LPP: variants seen among roughly 807,000 people sequenced by gnomAD.
LPP encodes the protein LIM domain containing preferred translocation partner in lipoma.
In LPP, 38 loss-of-function variants were observed where a neutral mutation model predicts 60.4. The observed-to-expected ratio is 0.63, with a 90% confidence interval of 0.49 to 0.83. The LOEUF is 0.83. Among genes scored for constraint, LPP ranks in the 40% least tolerant of loss-of-function variants. The probability of loss-of-function intolerance (pLI) is 0.00; values close to 1 mark genes in which losing one functional copy is unlikely to be tolerated. For missense variants in LPP, 902 were observed against 783.6 expected, an observed-to-expected ratio of 1.15 and a Z score of -1.80; for synonymous variants, 328 against 290.8, an observed-to-expected ratio of 1.13 and a Z score of -1.30.
At chr3:188,523,577 C>G (rs948057047) in intron 5 of LPP, among the ~76,000 whole-genome samples, 1 of 152,176 alleles carries the variant, frequency 6.6e-6, no homozygotes, top group Non-Finnish European at 1.5e-5. Flanking sequence ...TTAGTGCTAG[C>G]CTGTCATGGC....
intron 2 of LPP, among the ~76,000 whole-genome samples, chr3:188,297,191 C>CTTAGATAACTCAGCCTTG (rs1748209489): frequency 6.6e-6 from 1 of 152,194 alleles, no homozygotes; most frequent in South Asian, 2.1e-4. Flanking sequence ...GAAGGACACA[C>CTTAGATAACTCAGCCTTG]TTAGATAACT....
At chr3:188,365,244 CA>C (rs1770778039) in intron 3 of LPP, among the ~76,000 whole-genome samples, 1 of 151,850 alleles carries the variant, frequency 6.6e-6, no homozygotes, top group Admixed American at 6.6e-5. Flanking sequence ...TAGGTTTCAG[CA>C]AGAGAGTATT....
intron 8 of LPP, among the ~76,000 whole-genome samples, chr3:188,735,105 G>T (rs965800585): frequency 1.3e-5 from 2 of 152,036 alleles, no homozygotes; most frequent in Non-Finnish European, 2.9e-5. Flanking sequence ...TGATTCTTCT[G>T]GTTAAGCCGG....
At chr3:188,203,578 A>AAT (rs546311065) in intron 1 of LPP, among the ~76,000 whole-genome samples, 1,732 of 96,158 alleles carry the variant, frequency 0.018, 52 homozygotes, top group African/African-American at 0.031. Context: ...TATATATTTA[A>AAT]ATATATATAT....
intron 3 of LPP, among the ~76,000 whole-genome samples, chr3:188,377,726 C>T (rs1052856240): frequency 8.5e-5 from 13 of 152,204 alleles, no homozygotes; most frequent in Non-Finnish European, 8.8e-5. Flanking sequence ...ATTCTCCGTC[C>T]AGCTTTATTC....
intron 6 of LPP, among the ~76,000 whole-genome samples, chr3:188,602,025 G>A (rs192915742): frequency 6.7e-6 from 1 of 149,056 alleles, no homozygotes; most frequent in East Asian, 2.0e-4. Context: ...CTGAGATAGT[G>A]CCACTGCACT....
chr3:188,547,212 T>G (rs111877123), intron 6 of LPP, among the ~76,000 whole-genome samples: 3,958 of 152,298 alleles, frequency 0.026, 71 homozygotes, highest in Non-Finnish European at 0.04. Context: ...CACGTAGATA[T>G]GTTTCTGCAA....
chr3:188,776,519 C>G (rs1435239897), intron 9 of LPP, among the ~76,000 whole-genome samples: 1 of 152,102 alleles, frequency 6.6e-6, no homozygotes, highest in East Asian at 1.9e-4. Flanking sequence ...GGCTTTTTCA[C>G]AAAAGTATCA....
At chr3:188,326,470 A>C (rs1758454119) in intron 2 of LPP, among the ~76,000 whole-genome samples, 1 of 152,208 alleles carries the variant, frequency 6.6e-6, no homozygotes, top group Admixed American at 6.5e-5. Context: ...TTGCAGCTAA[A>C]ATTGAATTTC....
chr3:188,877,299 G>T lies in LPP; in HGVS notation c.*2820G>T, dbSNP rs181218908. The T allele has an allele frequency of 5.6e-6, 1 of 177,754 alleles. No individual in the cohort carries two copies. The highest frequency in any genetic ancestry group is 9.4e-5 in the East Asian group (1 of 10,608). The allele number at this position is 177,754 out of a possible 1,614,324, so 11.0% of individuals were successfully genotyped here. A position where few individuals can be genotyped will look rare whatever the true frequency, so the allele number is the denominator to read the frequency against. On this transcript the variant is annotated 3_prime_UTR_variant, in exon 12 of 12. Coordinates refer to ENST00000617246, the MANE Select transcript of LPP (RefSeq NM_001375462.1). ...GCTGATATAATATCATAATTGTTGT[G>T]GTTTAAATACATAAATAGTAGAAAA...
chr3:188,657,370 G>A (rs1031366171), intron 7 of LPP, among the ~76,000 whole-genome samples: 12 of 150,406 alleles, frequency 8.0e-5, no homozygotes, highest in African/African-American at 2.9e-4. Context: ...AGAATTCTGT[G>A]AGTGTCATTA....
chr3:188,721,716 A>T (rs1716478957), intron 8 of LPP, among the ~76,000 whole-genome samples: 1 of 152,048 alleles, frequency 6.6e-6, no homozygotes. Context: ...ATAAAGCATA[A>T]TTTTTTCTTT....
chr3:188,805,178 TA>T (rs1748705139), intron 9 of LPP, among the ~76,000 whole-genome samples: 2 of 152,082 alleles, frequency 1.3e-5, no homozygotes, highest in South Asian at 2.1e-4. Flanking sequence ...TATATTTGAC[TA>T]GATTTGTTAT....
chr3:188,647,048 T>C (rs1851230497), intron 7 of LPP, among the ~76,000 whole-genome samples: 1 of 152,240 alleles, frequency 6.6e-6, no homozygotes, highest in Non-Finnish European at 1.5e-5. Context: ...ATAATAGGTA[T>C]TCAACTAATA....
intron 9 of LPP, among the ~76,000 whole-genome samples, chr3:188,851,424 G>A (rs1264259493): frequency 2.0e-4 from 31 of 152,272 alleles, no homozygotes; most frequent in Admixed American, 1.8e-3. Context: ...AGTGTATTAC[G>A]CTTTTGCAGG....
intron 1 of LPP, chr3:188,179,266 T>C (rs1300454497): frequency 1.3e-5 from 6 of 458,140 alleles, no homozygotes; most frequent in Middle Eastern, 3.2e-4. Flanking sequence ...TTGCCCCCTG[T>C]CTTCGCAGCG....
chr3:188,227,593 G>A (rs1202722625), intron 2 of LPP, among the ~76,000 whole-genome samples: 1 of 152,100 alleles, frequency 6.6e-6, no homozygotes, highest in African/African-American at 2.4e-5. Flanking sequence ...AGAACACCTG[G>A]AAACTGGCAA....
chr3:188,299,404 G>A (rs932132967), intron 2 of LPP, among the ~76,000 whole-genome samples: 2 of 152,152 alleles, frequency 1.3e-5, no homozygotes, highest in African/African-American at 4.8e-5. Flanking sequence ...CTTCTTCGAT[G>A]CTGACTATAA....
chr3:188,209,237 T>G (rs1318128028), intron 1 of LPP, among the ~76,000 whole-genome samples: 1 of 152,180 alleles, frequency 6.6e-6, no homozygotes, highest in Non-Finnish European at 1.5e-5. Context: ...AACCTCAGTC[T>G]TCCTATCACT....
Sources: gnomAD v4.1 joint callset for allele counts (sites outside exome capture counted in the v4.1 genomes callset) on GRCh38, gnomAD v4.1.1 for gene constraint, MANE v1.5 for transcripts, NCBI Gene and HGNC (gene_info 2026-07-23, HGNC 2026-07-21) for gene names.